CCSER1: variants seen among roughly 807,000 people sequenced by gnomAD.
CCSER1 encodes serine-rich coiled-coil domain-containing protein 1.
CCSER1 carries 41 observed loss-of-function variants against 82.0 expected under a neutral mutation model. The observed-to-expected ratio is 0.50, with a 90% CI of 0.39 to 0.65. CCSER1 has a LOEUF of 0.65. Among genes scored for constraint, CCSER1 ranks in the 30% least tolerant of loss-of-function variants. The pLI is 0.00. For missense variants in CCSER1, 1,119 were observed against 1,064.2 expected, an observed-to-expected ratio of 1.05 and a Z score of -0.72; for synonymous variants, 414 against 383.9, an observed-to-expected ratio of 1.08 and a Z score of -0.92.
Position 91,144,664 on chromosome 4 carries a change from G to GT in CCSER1, c.2217+58680dup, listed in dbSNP as rs374027063. 1.2e-3 allele frequency among the ~76,000 whole-genome samples: 173 copies of GT among 140,910 alleles called. 2 individuals are homozygous for GT. Among genetic ancestry groups the GT allele is most frequent in the Middle Eastern group, 3.6e-3 (1 of 278 alleles). The allele number at this position is 140,910 out of a possible 152,430, so 92.4% of individuals were successfully genotyped here. On this transcript the variant is annotated intron_variant, in intron 10 of 10. Coordinates refer to ENST00000509176, the MANE Select transcript of CCSER1 (RefSeq NM_001145065.2). ...GGAGATTTTGGTATATTGTGTCTTTGTTTTTTTTTTATTTCCAACAAGTTT... is the reference window on the plus strand; with the variant it reads ...GGAGATTTTGGTATATTGTGTCTTTGTTTTTTTTTTTATTTCCAACAAGTTT...
chr4:91,003,643 C>G (rs1738243816), intron 9 of CCSER1, among the ~76,000 whole-genome samples: 1 of 152,178 alleles, frequency 6.6e-6, no homozygotes, highest in Admixed American at 6.5e-5. Context: ...GACTACCTGC[C>G]TGCCAGCTAT....
chr4:91,165,461 G>A (rs57623945), intron 10 of CCSER1, among the ~76,000 whole-genome samples: 1 of 152,284 alleles, frequency 6.6e-6, no homozygotes, highest in African/African-American at 2.4e-5. Flanking sequence ...GCTCTCTTCA[G>A]AACTGTCAGA....
In CCSER1 at chr4:91,134,994, A is replaced by G. The variant is rs553207706; in HGVS notation, c.2217+49000A>G. Among the ~76,000 whole-genome samples the G allele has an allele frequency of 5.9e-5, 9 of 152,014 alleles. No individual in the cohort carries two copies. In the South Asian group the frequency reaches 1.9e-3, roughly 32 times the overall value. ...AGAATCGCGTGAACCCAGGAGGCAG[A>G]GCTTGCACTGAGCTGAGATTGCACC... On this transcript the variant is annotated intron_variant, in intron 10 of 10. Coordinates refer to ENST00000509176, the MANE Select transcript of CCSER1 (RefSeq NM_001145065.2).
chr4:91,335,423 A>G (rs1392616729), intron 10 of CCSER1, among the ~76,000 whole-genome samples: 1 of 152,074 alleles, frequency 6.6e-6, no homozygotes, highest in Non-Finnish European at 1.5e-5. Context: ...GAAGGAAAGG[A>G]GAGAGGACCA....
At chr4:90,607,956 A>G (rs1784952893) in intron 5 of CCSER1, among the ~76,000 whole-genome samples, 1 of 152,208 alleles carries the variant, frequency 6.6e-6, no homozygotes, top group Admixed American at 6.5e-5. Context: ...ATACTGGAGT[A>G]AAAGTGTGTA....
At chr4:90,153,865 G>A (rs1338282820) in intron 1 of CCSER1, among the ~76,000 whole-genome samples, 1 of 152,124 alleles carries the variant, frequency 6.6e-6, no homozygotes, top group Non-Finnish European at 1.5e-5. Flanking sequence ...TTCTTTTGCT[G>A]TGCAGAAGCT....
chr4:91,267,561 T>C (rs1345929345), intron 10 of CCSER1, among the ~76,000 whole-genome samples: 1 of 152,182 alleles, frequency 6.6e-6, no homozygotes, highest in East Asian at 1.9e-4. Context: ...AACTCTAAAA[T>C]AATTAGAGGG....
intron 10 of CCSER1, among the ~76,000 whole-genome samples, chr4:91,439,253 G>A (rs1160933142): frequency 2.0e-5 from 3 of 152,152 alleles, no homozygotes; most frequent in Admixed American, 2.0e-4. Flanking sequence ...TACCCCCAAA[G>A]GGAAGCCCAT....
intron 10 of CCSER1, among the ~76,000 whole-genome samples, chr4:91,440,228 C>A (rs1251370150): frequency 1.3e-5 from 2 of 152,106 alleles, no homozygotes; most frequent in Non-Finnish European, 2.9e-5. Flanking sequence ...AAACTCTCCT[C>A]AGCAAACATA....
At chr4:90,291,421 C>T (rs550054945) in intron 1 of CCSER1, among the ~76,000 whole-genome samples, 1 of 152,150 alleles carries the variant, frequency 6.6e-6, no homozygotes, top group African/African-American at 2.4e-5. Context: ...TCAAGTCGGT[C>T]ACATCACCCT....
chr4:90,691,803 G>A (rs1736028497), intron 6 of CCSER1, among the ~76,000 whole-genome samples: 1 of 151,482 alleles, frequency 6.6e-6, no homozygotes, highest in African/African-American at 2.4e-5. Context: ...CATCACCCAG[G>A]TAATAAACAT....
chr4:90,445,748 A>G lies in CCSER1; in HGVS notation c.1604-22486A>G, dbSNP rs137892929. Among the ~76,000 whole-genome samples, 755 of 152,234 alleles carry G rather than the reference A, an allele frequency of 5.0e-3. 8 individuals are homozygous for G. Among genetic ancestry groups the G allele is most frequent in the African/African-American group, 0.017 (721 of 41,558 alleles). On this transcript the variant is annotated intron_variant, in intron 4 of 10. Transcript: ENST00000509176. ...CATTGTTTTTGTTCTCTTCTTCCCTATTAGATAGCATGACATTCCTGTGGT... is the reference window on the plus strand; with the variant it reads ...CATTGTTTTTGTTCTCTTCTTCCCTGTTAGATAGCATGACATTCCTGTGGT...
intron 10 of CCSER1, among the ~76,000 whole-genome samples, chr4:91,329,486 G>A (rs1169983652): frequency 6.6e-6 from 1 of 152,166 alleles, no homozygotes; most frequent in African/African-American, 2.4e-5. Flanking sequence ...TTATGGGTGT[G>A]TTAGTCATGT....
chr4:90,197,590 T>C (rs1033726569), intron 1 of CCSER1, among the ~76,000 whole-genome samples: 5 of 152,156 alleles, frequency 3.3e-5, no homozygotes, highest in Admixed American at 6.6e-5. Context: ...TGTGGAGTAC[T>C]ATTCTGCCAT....
rs528433721 is a variant in CCSER1, at chr4:91,304,104, A to T, written c.2217+218110A>T. Reference sequence around the variant, plus strand: ...ATCTTTTGCTATTTTAACTGAAGGAAAAATTTACTAGTGATCTTGCCGACT... The same window carrying T: ...ATCTTTTGCTATTTTAACTGAAGGATAAATTTACTAGTGATCTTGCCGACT... On this transcript the variant is annotated intron_variant, in intron 10 of 10. Coordinates refer to ENST00000509176, the MANE Select transcript of CCSER1 (RefSeq NM_001145065.2). 2.6e-5 allele frequency among the ~76,000 whole-genome samples: 4 copies of T among 152,136 alleles called. No individual in the cohort carries two copies. The East Asian group carries it at 5.8e-4, about 22-fold the overall frequency.
chr4:91,150,611 T>C (rs1730075945), intron 10 of CCSER1, among the ~76,000 whole-genome samples: 1 of 152,176 alleles, frequency 6.6e-6, no homozygotes, highest in African/African-American at 2.4e-5. Flanking sequence ...TGTTACTGGC[T>C]GTGGGTTTGT....
chr4:91,002,799 G>A (rs1477261661), intron 9 of CCSER1, among the ~76,000 whole-genome samples: 1 of 152,114 alleles, frequency 6.6e-6, no homozygotes, highest in Non-Finnish European at 1.5e-5. Context: ...AGCTAGTATG[G>A]TATTTGGGGG....
chr4:90,736,254 T>C (rs183722370), intron 7 of CCSER1, among the ~76,000 whole-genome samples: 140 of 152,274 alleles, frequency 9.2e-4, no homozygotes, highest in African/African-American at 3.3e-3. Flanking sequence ...GTCCAATGTT[T>C]CTTTGTTGAT....
At chr4:90,586,897 A>G (rs146775765) in intron 5 of CCSER1, among the ~76,000 whole-genome samples, 1 of 152,356 alleles carries the variant, frequency 6.6e-6, no homozygotes, top group Non-Finnish European at 1.5e-5. Context: ...TGAATATGTT[A>G]CCATCCATGG....
Sources: gnomAD v4.1 joint callset for allele counts (sites outside exome capture counted in the v4.1 genomes callset) on GRCh38, gnomAD v4.1.1 for gene constraint, MANE v1.5 for transcripts, NCBI Gene and HGNC (gene_info 2026-07-23, HGNC 2026-07-21) for gene names.